Variants in ATXN7L1 observed in about 807,000 individuals in gnomAD.
ATXN7L1 encodes the protein ataxin-7-like protein 1.
A neutral mutation model predicts 70.8 loss-of-function variants in ATXN7L1; 15 were observed. The ratio of observed to expected loss-of-function variants is 0.21; its 90% CI spans 0.14 to 0.33. ATXN7L1 has a LOEUF of 0.33. Ranked by LOEUF, ATXN7L1 falls within the 10% of genes least tolerant of loss-of-function variation. The probability of loss-of-function intolerance (pLI) is 1.00; values close to 1 mark genes in which losing one functional copy is unlikely to be tolerated. For synonymous variants in ATXN7L1, 440 were observed against 445.1 expected, an observed-to-expected ratio of 0.99 and a Z score of 0.14; for missense variants, 975 against 1,097.1, an observed-to-expected ratio of 0.89 and a Z score of 1.57.
chr7:105,673,223 A>G (rs1804047903), intron 3 of ATXN7L1, among the ~76,000 whole-genome samples: 1 of 152,232 alleles, frequency 6.6e-6, no homozygotes, highest in Non-Finnish European at 1.5e-5. Flanking sequence ...ACGCTTATTC[A>G]TGGAGATATT....
intron 3 of ATXN7L1, among the ~76,000 whole-genome samples, chr7:105,740,085 G>A (rs758232500): frequency 3.9e-5 from 6 of 152,102 alleles, no homozygotes; most frequent in Non-Finnish European, 7.4e-5. Context: ...ATTTTCAAAT[G>A]TACCACTCTG....
At chr7:105,850,703 C>T (rs1814749116) in intron 2 of ATXN7L1, among the ~76,000 whole-genome samples, 1 of 152,184 alleles carries the variant, frequency 6.6e-6, no homozygotes, top group Non-Finnish European at 1.5e-5. Flanking sequence ...AGAAGGGGTA[C>T]CCATGCTCCA....
At chr7:105,627,859 T>TG (rs1449274254) in intron 7 of ATXN7L1, among the ~76,000 whole-genome samples, 1 of 145,880 alleles carries the variant, frequency 6.9e-6, no homozygotes, top group Non-Finnish European at 1.5e-5. Flanking sequence ...TTTTTTTTTT[T>TG]TTTGAGATGG....
intron 10 of ATXN7L1, 83 bp downstream of exon 10, chr7:105,613,779 G>A (rs910670066): frequency 2.3e-5 from 36 of 1,546,544 alleles, no homozygotes; most frequent in Admixed American, 1.6e-4. Flanking sequence ...GTTACCTGTC[G>A]GAGCCGCCCG....
At chr7:105,863,359 C>T (rs1816920949) in intron 2 of ATXN7L1, among the ~76,000 whole-genome samples, 1 of 152,246 alleles carries the variant, frequency 6.6e-6, no homozygotes, top group Admixed American at 6.5e-5. Context: ...CAGGAGGCCA[C>T]TGGCTTACAC....
intron 3 of ATXN7L1, among the ~76,000 whole-genome samples, chr7:105,740,787 T>TTTTTTTTTTTTTTTTTTTTTTTGTC (rs1797930812): frequency 1.3e-5 from 1 of 79,280 alleles, no homozygotes; most frequent in Admixed American, 1.3e-4. Flanking sequence ...TTTTTTTTAA[T>TTTTTTTTTTTTTTTTTTTTTTTGTC]GGAGTCTCAC....
At chr7:105,646,945 GAA>G (rs141884008) in intron 4 of ATXN7L1, among the ~76,000 whole-genome samples, 6 of 144,764 alleles carry the variant, frequency 4.1e-5, no homozygotes, top group African/African-American at 1.0e-4. Flanking sequence ...CCCTGTCTTG[GAA>G]AAAAAAAAAA....
rs150182467 is a variant in ATXN7L1, at chr7:105,614,354, AGAGGAGGAG to A, written c.1971_1979del (p.Ser659_Ser661del). 256 of 1,550,218 alleles carry A rather than the reference AGAGGAGGAG, an allele frequency of 1.7e-4. No homozygotes were observed. The highest frequency in any genetic ancestry group is 2.1e-4 in the Non-Finnish European group (243 of 1,145,980). ...GAGACGAGAGGGATGTCTGCAAGGA[AGAGGAGGAG>A]GAGGAGGAGGAGGAGGAAGTCGAAG... is the stretch of plus-strand genomic sequence containing the variant. On this transcript the variant is annotated inframe_deletion, in exon 10 of 12. Coordinates refer to ENST00000419735, the MANE Select transcript of ATXN7L1 (RefSeq NM_020725.2). This position sits in a 1 kb window ranked among gnomAD's most constrained non-coding sequence, Gnocchi z 4.3.
At chr7:105,621,694 G>A (rs1487117954) in intron 8 of ATXN7L1, among the ~76,000 whole-genome samples, 3 of 152,294 alleles carry the variant, frequency 2.0e-5, no homozygotes, top group South Asian at 4.2e-4. Flanking sequence ...TAGGGCTCAG[G>A]CAAGTCTGCA....
At chr7:105,780,964 T>G (rs1026902747) in intron 3 of ATXN7L1, among the ~76,000 whole-genome samples, 20 of 152,176 alleles carry the variant, frequency 1.3e-4, no homozygotes, top group African/African-American at 4.8e-4. Flanking sequence ...AACAGGGGCA[T>G]GTTATATTTT....
intron 2 of ATXN7L1, among the ~76,000 whole-genome samples, chr7:105,821,571 A>C (rs1044110589): frequency 1.3e-5 from 2 of 152,238 alleles, no homozygotes; most frequent in African/African-American, 4.8e-5. Flanking sequence ...GTCACTAACA[A>C]AGATGAAAAT....
intron 2 of ATXN7L1, among the ~76,000 whole-genome samples, chr7:105,820,998 G>T (rs1810056679): frequency 6.6e-6 from 1 of 152,198 alleles, no homozygotes; most frequent in South Asian, 2.1e-4. Context: ...TTCCTGTACA[G>T]CCTGCAGAAC....
chr7:105,736,028 A>G (rs1410481188), intron 3 of ATXN7L1, among the ~76,000 whole-genome samples: 1 of 152,198 alleles, frequency 6.6e-6, no homozygotes, highest in Non-Finnish European at 1.5e-5. Flanking sequence ...ACAGACAGTA[A>G]AGCTAATCAT....
At chr7:105,795,693 T>C (rs567067300) in intron 2 of ATXN7L1, among the ~76,000 whole-genome samples, 2 of 152,302 alleles carry the variant, frequency 1.3e-5, no homozygotes, top group African/African-American at 4.8e-5. Flanking sequence ...AGACACTACT[T>C]TGAAGGCAGT....
chr7:105,802,805 T>C (rs1403397179), intron 2 of ATXN7L1, among the ~76,000 whole-genome samples: 1 of 152,022 alleles, frequency 6.6e-6, no homozygotes, highest in Non-Finnish European at 1.5e-5. Flanking sequence ...GGCTCTAGCG[T>C]GGGGCTTTCC....
chr7:105,675,681 T>C lies in ATXN7L1; in HGVS notation c.356-10393A>G, dbSNP rs1463870059. Among the ~76,000 whole-genome samples the C allele has an allele frequency of 2.0e-5, 3 of 151,420 alleles. No individual in the cohort carries two copies. In the East Asian group the frequency reaches 5.8e-4, roughly 29 times the overall value. On this transcript the variant is annotated intron_variant, in intron 3 of 11. Coordinates refer to ENST00000419735, the MANE Select transcript of ATXN7L1 (RefSeq NM_020725.2). ...ACATGATGATGAGGAAAAAAGAGAA[T>C]GATATAAGATGCATTGCTTAATAGG...
chr7:105,614,858 G>C lies in ATXN7L1; in HGVS notation c.1518-42C>G, dbSNP rs368999647. The stretch of plus-strand genomic sequence containing the variant: ...AGTGAAAGAGAATCAGTGAGACATC[G>C]GGTTGGCATTGCTCAGGAGGCTCGA... On this transcript the variant is annotated intron_variant, in intron 9 of 11. Coordinates refer to ENST00000419735, the MANE Select transcript of ATXN7L1 (RefSeq NM_020725.2). This position sits in a 1 kb window ranked among gnomAD's most constrained non-coding sequence, Gnocchi z 4.3. 1.3e-6 allele frequency: 2 copies of C among 1,519,160 alleles called. No individual in the cohort carries two copies. The highest frequency in any genetic ancestry group is 8.9e-7 in the Non-Finnish European group (1 of 1,128,858). 94.1% of individuals were successfully genotyped at this position (1,519,160 alleles called of 1,614,324 possible). A position where few individuals can be genotyped will look rare whatever the true frequency, so the allele number is the denominator to read the frequency against.
intron 4 of ATXN7L1, among the ~76,000 whole-genome samples, chr7:105,657,006 G>A (rs1479342797): frequency 1.3e-5 from 2 of 152,198 alleles, no homozygotes; most frequent in African/African-American, 4.8e-5. Flanking sequence ...TTTTATTGCT[G>A]TACATGTGAA....
At chr7:105,630,395 C>T (rs745921925) in intron 7 of ATXN7L1, among the ~76,000 whole-genome samples, 1 of 152,100 alleles carries the variant, frequency 6.6e-6, no homozygotes, top group Non-Finnish European at 1.5e-5. Flanking sequence ...ACTCCTAAAC[C>T]AATAATAGGA....
Sources: gnomAD v4.1 joint callset for allele counts (sites outside exome capture counted in the v4.1 genomes callset) on GRCh38, gnomAD v4.1.1 for gene constraint, Gnocchi (gnomAD v3.1) non-coding constraint, MANE v1.5 for transcripts, NCBI Gene and HGNC (gene_info 2026-07-23, HGNC 2026-07-21) for gene names.